The following PTPN2 variants were observed in gnomAD, a reference collection of about 807,000 sequenced individuals.
PTPN2 encodes the protein protein tyrosine phosphatase non-receptor type 2, also known as tyrosine-protein phosphatase non-receptor type 2.
A neutral mutation model predicts 57.3 loss-of-function variants in PTPN2; 19 were observed. That is an observed-to-expected ratio of 0.33 (90% CI 0.23 to 0.49). The LOEUF is 0.49. Among genes scored for constraint, PTPN2 ranks in the 20% least tolerant of loss-of-function variants. PTPN2 has a pLI of 0.99. For missense variants in PTPN2, 358 were observed against 501.1 expected (o/e 0.71, Z 2.73); for synonymous variants, 153 against 164.9 (o/e 0.93, Z 0.55).
downstream of PTPN2, chr18:12,792,132 T>G: frequency 1.3e-6 from 1 of 768,572 alleles, no homozygotes; most frequent in South Asian, 5.9e-5. Flanking sequence ...ACAGTAATAC[T>G]GAATCAGGAC....
intron 1 of PTPN2, among the ~76,000 whole-genome samples, chr18:12,870,496 GAGAA>G (rs1387844584): frequency 4.0e-4 from 38 of 94,328 alleles, no homozygotes; most frequent in South Asian, 1.0e-3. Context: ...GAGAGAGAGA[GAGAA>G]AAGCGTGTTG....
At chr18:12,808,518 C>T (rs933745741) in intron 7 of PTPN2, among the ~76,000 whole-genome samples, 14 of 152,310 alleles carry the variant, frequency 9.2e-5, no homozygotes. Context: ...CGGTGGCTCA[C>T]GCCTGTAATC....
rs74977291 is a variant in PTPN2, at chr18:12,859,495, A to T, written c.70-241T>A. On this transcript the variant is annotated intron_variant, in intron 1 of 8. Transcript: ENST00000309660. ...GTTAAAAATCCACCAAAGATCCCAT[A>T]GCTAGTAAGTGGCAGTCCCAGCATT... is the stretch of plus-strand genomic sequence containing the variant. 3.7e-3 allele frequency among the ~76,000 whole-genome samples: 571 copies of T among 152,370 alleles called. 2 individuals carry two copies. The highest frequency in any genetic ancestry group is 0.013 in the African/African-American group (558 of 41,586).
At chr18:12,832,841 G>A (rs1174117002) in intron 3 of PTPN2, among the ~76,000 whole-genome samples, 2 of 152,222 alleles carry the variant, frequency 1.3e-5, no homozygotes, top group Non-Finnish European at 2.9e-5. Context: ...AGGCTGGAGT[G>A]CAATGGCACG....
chr18:12,858,156 C>T (rs565887516), intron 2 of PTPN2, among the ~76,000 whole-genome samples: 1 of 152,118 alleles, frequency 6.6e-6, no homozygotes, highest in Non-Finnish European at 1.5e-5. Flanking sequence ...TCAACCTACA[C>T]AGGAGATCTT....
chr18:12,815,071 G>A (rs1454934212), intron 6 of PTPN2, among the ~76,000 whole-genome samples: 3 of 148,576 alleles, frequency 2.0e-5, no homozygotes, highest in South Asian at 2.1e-4. Flanking sequence ...GCGACAGAGC[G>A]AGACTCCATC....
chr18:12,827,043 C>T (rs976432617), intron 4 of PTPN2, among the ~76,000 whole-genome samples: 1 of 152,124 alleles, frequency 6.6e-6, no homozygotes, highest in Non-Finnish European at 1.5e-5. Context: ...ATAATTTTAT[C>T]TTCAAAATAA....
At chr18:12,879,042 A>T (rs1371612196) in intron 1 of PTPN2, among the ~76,000 whole-genome samples, 1 of 152,204 alleles carries the variant, frequency 6.6e-6, no homozygotes, top group Non-Finnish European at 1.5e-5. Context: ...CAGTGACAAA[A>T]GGAAAAGCCA....
chr18:12,865,679 G>A (rs1020247592), intron 1 of PTPN2, among the ~76,000 whole-genome samples: 3 of 151,776 alleles, frequency 2.0e-5, no homozygotes, highest in Non-Finnish European at 4.4e-5. Flanking sequence ...CAAAAAGAGT[G>A]AGCTGGGCGT....
intron 1 of PTPN2, among the ~76,000 whole-genome samples, chr18:12,867,156 T>C (rs955766462): frequency 6.6e-6 from 1 of 151,064 alleles, no homozygotes; most frequent in Non-Finnish European, 1.5e-5. Flanking sequence ...AATAAACACA[T>C]AATAAATAAA....
At chr18:12,871,885 T>G (rs2044278126) in intron 1 of PTPN2, among the ~76,000 whole-genome samples, 2 of 151,776 alleles carry the variant, frequency 1.3e-5, no homozygotes, top group Admixed American at 1.3e-4. Flanking sequence ...CTGTCTCTAC[T>G]AAAAATACAA....
intron 1 of PTPN2, among the ~76,000 whole-genome samples, chr18:12,874,809 C>T (rs1020549191): frequency 2.6e-5 from 4 of 152,210 alleles, no homozygotes; most frequent in African/African-American, 9.6e-5. Context: ...GGAGGTGTGC[C>T]CAACAGCTCA....
At chr18:12,876,296 A>AAAGAAGAAGAAGAAGAAGAAGAAG (rs71174150) in intron 1 of PTPN2, among the ~76,000 whole-genome samples, 15,726 of 145,000 alleles carry the variant, frequency 0.11, 1,065 homozygotes, top group Middle Eastern at 0.22. Context: ...ACAACAACAA[A>AAAGAAGAAGAAGAAGAAGAAGAAG]AAGAAGAAGA....
intron 6 of PTPN2, 86 bp downstream of exon 6, chr18:12,817,070 C>T (rs2042101545): frequency 2.4e-6 from 3 of 1,260,118 alleles, no homozygotes; most frequent in East Asian, 2.3e-5. Context: ...TTCTGGGATA[C>T]AGCATCAGAG....
intron 8 of PTPN2, among the ~76,000 whole-genome samples, chr18:12,795,345 G>A (rs1002809680): frequency 3.3e-5 from 5 of 152,326 alleles, no homozygotes; most frequent in Middle Eastern, 3.4e-3. Flanking sequence ...CCAGGCGGGA[G>A]TGCAGTGGCA....
chr18:12,826,768 C>T (rs913084126), intron 4 of PTPN2, among the ~76,000 whole-genome samples: 12 of 151,952 alleles, frequency 7.9e-5, no homozygotes, highest in African/African-American at 2.9e-4. Context: ...AGGGTTTTGC[C>T]ATGTTGGCCA....
intron 2 of PTPN2, among the ~76,000 whole-genome samples, chr18:12,841,449 A>T (rs1172307029): frequency 1.3e-5 from 2 of 152,272 alleles, no homozygotes; most frequent in Non-Finnish European, 2.9e-5. Context: ...GAAGAAGGCA[A>T]CTTCATACAC....
rs139608194 is a variant in PTPN2 at position 12,836,713 on chromosome 18, T to C, written c.261+78A>G. The C allele has an allele frequency of 1.1e-5, 10 of 880,922 alleles. No individual in the cohort carries two copies. The East Asian group carries it at 2.1e-4, about 18-fold the overall frequency. The allele number at this position is 880,922 out of a possible 1,614,324, so 54.6% of individuals were successfully genotyped here. A position where few individuals can be genotyped will look rare whatever the true frequency, so the allele number is the denominator to read the frequency against. On this transcript the variant is annotated intron_variant, in intron 3 of 8. Transcript: ENST00000309660. ...TTCATTTCCAAAAGAAGTCAAGATA[T>C]ACTTTTACCTATGATTTAAAGCAGA...
At position 12,863,741 on chromosome 18, in the gene PTPN2, T is replaced by C. The variant is rs548219968; in HGVS notation, c.70-4487A>G. 5.3e-5 allele frequency: 8 copies of C among 152,228 alleles called. No individual in the cohort carries two copies. The East Asian group carries it at 1.5e-3, about 29-fold the overall frequency. The allele number at this position is 152,228 out of a possible 1,614,324, so 9.4% of individuals were successfully genotyped here. A position where few individuals can be genotyped will look rare whatever the true frequency, so the allele number is the denominator to read the frequency against. On this transcript the variant is annotated intron_variant, in intron 1 of 8. Coordinates refer to ENST00000309660, the MANE Select transcript of PTPN2 (RefSeq NM_002828.4). ...ATGAACATATCCCCCACCAACACAGTAGAGAACCACCGTTCTCATTTAATA... is the reference window on the plus strand; with the variant it reads ...ATGAACATATCCCCCACCAACACAGCAGAGAACCACCGTTCTCATTTAATA...
Sources: allele counts gnomAD v4.1 joint callset (sites outside exome capture counted in the v4.1 genomes callset), GRCh38; gene constraint gnomAD v4.1.1; transcripts MANE v1.5; gene names NCBI Gene and HGNC (gene_info 2026-07-23, HGNC 2026-07-21).